The following SLC26A3 variants were observed in gnomAD, a reference collection of about 807,000 sequenced individuals.
SLC26A3 encodes solute carrier family 26 member 3.
In SLC26A3, 64 loss-of-function variants were observed where a neutral mutation model predicts 85.6. The observed-to-expected ratio is 0.75, with a 90% CI of 0.61 to 0.92. SLC26A3 has a LOEUF of 0.92. SLC26A3 is among the 40% of genes least tolerant of loss of function. The pLI is 0.00. For missense variants in SLC26A3, 922 were observed against 927.3 expected, an observed-to-expected ratio of 0.99 and a Z score of 0.07; for synonymous variants, 349 against 336.0, an observed-to-expected ratio of 1.04 and a Z score of -0.42.
intron 15 of SLC26A3, among the ~76,000 whole-genome samples, chr7:107,775,210 T>C (rs1004237255): frequency 1.3e-5 from 2 of 152,246 alleles, no homozygotes; most frequent in African/African-American, 4.8e-5. Flanking sequence ...ACTTATTTTC[T>C]ATTTATTGAG....
chr7:107,802,210 G>T (rs964147529), intron 1 of SLC26A3, among the ~76,000 whole-genome samples: 3 of 151,640 alleles, frequency 2.0e-5, no homozygotes, highest in Admixed American at 2.0e-4. Flanking sequence ...TTGATAAATT[G>T]TTCCTCACTT....
At chr7:107,798,265 T>C (rs755450127) in intron 1 of SLC26A3, among the ~76,000 whole-genome samples, 7 of 151,922 alleles carry the variant, frequency 4.6e-5, no homozygotes, top group Non-Finnish European at 8.8e-5. Context: ...TGAGCAGAAA[T>C]TTAATCCTGG....
At position 107,793,751 on chromosome 7, in the gene SLC26A3, C is replaced by G. The variant is rs745637222; in HGVS notation, c.262G>C (p.Val88Leu). ...VSGISTGIVA[V>L]LQGLAFALLV... ...TTAAAAAAAATTTTACCTTGTAGTACGGCCACAATCCCTGTGCTGATACCA... is the reference window on the plus strand; with the variant it reads ...TTAAAAAAAATTTTACCTTGTAGTAGGGCCACAATCCCTGTGCTGATACCA... The change falls in exon 3 of 21, where the codon GTA becomes CTA. Residue 88 changes from valine to leucine, a missense_variant. Val to Leu is a conservative substitution (Grantham distance 32). Transcript: ENST00000340010. 1 of 1,613,488 alleles carries G rather than the reference C, an allele frequency of 6.2e-7. No homozygotes were observed.
At chr7:107,775,655 C>A (rs1285054916) in intron 15 of SLC26A3, among the ~76,000 whole-genome samples, 1 of 151,612 alleles carries the variant, frequency 6.6e-6, no homozygotes, top group East Asian at 1.9e-4. Flanking sequence ...TTGCTCAAAC[C>A]CAGGAGTTTG....
Position 107,767,581 on chromosome 7 carries a change from C to T in SLC26A3, c.2269G>A (p.Glu757Lys), listed in dbSNP as rs1438356683. 6.2e-7 allele frequency: 1 copy of T among 1,604,720 alleles called. No individual in the cohort carries two copies. Among genetic ancestry groups the T allele is most frequent in the South Asian group, 1.1e-5 (1 of 90,846 alleles). The change falls in exon 20 of 21, where the codon GAG becomes AAG. Residue 757 changes from glutamate to lysine, a missense_variant and splice_region_variant. By Grantham distance (56) the Glu-to-Lys change is moderately conservative (BLOSUM62 1). Coordinates refer to ENST00000340010, the MANE Select transcript of SLC26A3 (RefSeq NM_000111.3). Reference protein sequence around the residue: ...TNGGLRNRVYEVPVETKF With the variant: ...TNGGLRNRVYKVPVETKF ...ATAAACCTGTTGAAGAATCTTACCTCATATACCCGATTACGTAATCCTCCA... is the reference window on the plus strand; with the variant it reads ...ATAAACCTGTTGAAGAATCTTACCTTATATACCCGATTACGTAATCCTCCA...
intron 11 of SLC26A3, among the ~76,000 whole-genome samples, chr7:107,781,194 G>A (rs1794210369): frequency 6.6e-6 from 1 of 152,124 alleles, no homozygotes; most frequent in Non-Finnish European, 1.5e-5. Flanking sequence ...CAGTAATCTG[G>A]TATCCATACT....
At chr7:107,801,057 T>C (rs7790720) in intron 1 of SLC26A3, among the ~76,000 whole-genome samples, 30,262 of 152,198 alleles carry the variant, frequency 0.2, 3,472 homozygotes, top group South Asian at 0.27. Context: ...TCCCTGGCCA[T>C]TTCTGTAAGG....
chr7:107,785,748 AT>A (rs1337915513), intron 8 of SLC26A3, among the ~76,000 whole-genome samples: 3 of 152,226 alleles, frequency 2.0e-5, no homozygotes, highest in Non-Finnish European at 2.9e-5. Context: ...AATAAAAAAA[AT>A]GTTTTTTCTT....
intron 18 of SLC26A3, among the ~76,000 whole-genome samples, chr7:107,769,462 A>G (rs1457603763): frequency 2.0e-5 from 3 of 152,212 alleles, no homozygotes; most frequent in African/African-American, 7.2e-5. Context: ...TATCCTTAGC[A>G]AAGTAATGCA....
At chr7:107,788,779 C>CT (rs1562880003) in intron 6 of SLC26A3, among the ~76,000 whole-genome samples, 2 of 122,154 alleles carry the variant, frequency 1.6e-5, no homozygotes, top group African/African-American at 3.1e-5. Context: ...TTTCTTTTTT[C>CT]TTTTCTTTTT....
chr7:107,782,162 A>G (rs998361691), intron 11 of SLC26A3, among the ~76,000 whole-genome samples: 1 of 152,192 alleles, frequency 6.6e-6, no homozygotes, highest in African/African-American at 2.4e-5. Flanking sequence ...ACCACAAGGA[A>G]CAATGTATTT....
At chr7:107,789,759 C>T (rs1239366680) in intron 5 of SLC26A3, 71 bp from the exon 6 acceptor site, 3 of 1,458,874 alleles carry the variant, frequency 2.1e-6, no homozygotes, top group East Asian at 2.4e-5. Context: ...GGATCCGCAA[C>T]TGAAATAATA....
rs542415124 is a variant in SLC26A3 at position 107,769,994 on chromosome 7, T to C, written c.2062+2060A>G. 7.9e-5 allele frequency among the ~76,000 whole-genome samples: 9 copies of C among 114,294 alleles called. No individual in the cohort carries two copies. In the East Asian group the frequency reaches 1.4e-3, roughly 18 times the overall value. 75.0% of individuals were successfully genotyped at this position (114,294 alleles called of 152,430 possible). Reference sequence around the variant, plus strand: ...CTCCCTCCCTCCCTTCCTTCCTTCCTTTTTTCTCTTTCTTTCTTTCTTTCT... The same window carrying C: ...CTCCCTCCCTCCCTTCCTTCCTTCCCTTTTTCTCTTTCTTTCTTTCTTTCT... On this transcript the variant is annotated intron_variant, in intron 18 of 20. Transcript: ENST00000340010.
chr7:107,802,916 T>A (rs4730267), intron 1 of SLC26A3, among the ~76,000 whole-genome samples, 195 bp downstream of exon 1: 14 of 152,334 alleles, frequency 9.2e-5, no homozygotes, highest in Admixed American at 5.9e-4. Flanking sequence ...TAAAGTCTAC[T>A]TAAATATTTA....
intron 17 of SLC26A3, 120 bp from the exon 18 acceptor site, chr7:107,772,228 G>A (rs1221367175): frequency 1.4e-6 from 1 of 690,436 alleles, no homozygotes; most frequent in Non-Finnish European, 2.6e-6. Flanking sequence ...TTAACATTTT[G>A]AAAAGAGATA....
chr7:107,778,042 T>A (rs1794148876), intron 13 of SLC26A3, 133 bp downstream of exon 13: 1 of 720,034 alleles, frequency 1.4e-6, no homozygotes, highest in South Asian at 1.5e-5. Flanking sequence ...GGAGGGAGGA[T>A]AAACTGCCCC....
chr7:107,785,148 A>G (rs2115851273), intron 8 of SLC26A3, among the ~76,000 whole-genome samples: 1 of 152,350 alleles, frequency 6.6e-6, no homozygotes, highest in East Asian at 1.9e-4. Flanking sequence ...TTGAACATTT[A>G]TTGTAAGTCA....
intron 13 of SLC26A3, among the ~76,000 whole-genome samples, chr7:107,777,153 T>C (rs1352591197): frequency 6.6e-6 from 1 of 152,234 alleles, no homozygotes; most frequent in African/African-American, 2.4e-5. Flanking sequence ...TCAATATGGA[T>C]GTATTCCATC....
rs184315751 is a variant in SLC26A3 at position 107,796,183 on chromosome 7, C to T, written c.-88-1586G>A. Among the ~76,000 whole-genome samples the T allele has an allele frequency of 4.5e-3, 680 of 152,036 alleles. 4 individuals are homozygous for T. Among genetic ancestry groups the T allele is most frequent in the Non-Finnish European group, 6.6e-3 (446 of 67,994 alleles). On this transcript the variant is annotated intron_variant, in intron 1 of 20. Coordinates refer to ENST00000340010, the MANE Select transcript of SLC26A3 (RefSeq NM_000111.3). ...AGTGCAGTGGTGCAATCATAGCTCA[C>T]TATGGCCTCTTAACTCCTAGGCTCA...
Sources: allele counts gnomAD v4.1 joint callset (sites outside exome capture counted in the v4.1 genomes callset), GRCh38; gene constraint gnomAD v4.1.1; transcripts MANE v1.5; gene names NCBI Gene and HGNC (gene_info 2026-07-23, HGNC 2026-07-21).